The following MAP3K9 variants were observed in gnomAD, a reference collection of about 807,000 sequenced individuals.
MAP3K9 encodes the protein mixed lineage kinase 1 (tyr and ser/thr specificity).
Under a neutral mutation model 95.8 loss-of-function variants are expected in MAP3K9, and 46 were observed. That is an observed-to-expected ratio of 0.48 (90% confidence interval 0.38 to 0.61). The LOEUF is 0.61. Ranked by LOEUF, MAP3K9 falls within the 20% of genes least tolerant of loss-of-function variation. The probability of loss-of-function intolerance (pLI) is 0.00; values close to 1 mark genes in which losing one functional copy is unlikely to be tolerated. For missense variants in MAP3K9, 1,296 were observed against 1,474.3 expected, an observed-to-expected ratio of 0.88 and a Z score of 1.98; for synonymous variants, 533 against 593.8, an observed-to-expected ratio of 0.90 and a Z score of 1.49.
chr14:70,805,637 G>A (rs920530592), intron 1 of MAP3K9, among the ~76,000 whole-genome samples: 3 of 152,164 alleles, frequency 2.0e-5, no homozygotes, highest in Non-Finnish European at 4.4e-5. Context: ...TAAAGTTTGA[G>A]GCCAGATACA....
intron 2 of MAP3K9, among the ~76,000 whole-genome samples, chr14:70,763,625 G>A (rs553214086): frequency 1.3e-5 from 2 of 151,936 alleles, no homozygotes; most frequent in South Asian, 4.2e-4. Flanking sequence ...CAATCTCCTG[G>A]GCTCAAGTGA....
rs1566771064 is a variant in MAP3K9 at position 70,803,336 on chromosome 14, T to TC, written c.407-2257_407-2256insG. Among the ~76,000 whole-genome samples the TC allele has an allele frequency of 3.3e-3, 220 of 66,102 alleles. 1 individual carries two copies. The highest frequency in any genetic ancestry group is 0.011 in the African/African-American group (163 of 15,426). The allele number at this position is 66,102 out of a possible 152,430, so 43.4% of individuals were successfully genotyped here. A position where few individuals can be genotyped will look rare whatever the true frequency, so the allele number is the denominator to read the frequency against. ...GGAGGAAATAAACCAAATTCAGATC[T>TC]TAAAAAAAAAAAAAAAAAAAAAAAA... On this transcript the variant is annotated intron_variant, in intron 1 of 11. Coordinates refer to ENST00000554752, the MANE Select transcript of MAP3K9 (RefSeq NM_001284230.2).
intron 10 of MAP3K9, among the ~76,000 whole-genome samples, chr14:70,733,568 A>G (rs774548297): frequency 6.6e-6 from 1 of 152,200 alleles, no homozygotes; most frequent in Non-Finnish European, 1.5e-5. Flanking sequence ...ATTTCCTTAG[A>G]GCAGAATAAA....
At chr14:70,782,427 G>A (rs2054691926) in intron 2 of MAP3K9, among the ~76,000 whole-genome samples, 1 of 152,092 alleles carries the variant, frequency 6.6e-6, no homozygotes, top group South Asian at 2.1e-4. Context: ...GAGGAGAAAG[G>A]ATTTGAGGGC....
At chr14:70,745,900 A>AATGCC (rs1195716063) in intron 5 of MAP3K9, among the ~76,000 whole-genome samples, 2 of 152,170 alleles carry the variant, frequency 1.3e-5, no homozygotes, top group Non-Finnish European at 2.9e-5. Context: ...TTGTGAATGC[A>AATGCC]ATCCTTCTTT....
At chr14:70,747,302 T>A (rs1319830807) in intron 5 of MAP3K9, among the ~76,000 whole-genome samples, 1 of 152,178 alleles carries the variant, frequency 6.6e-6, no homozygotes, top group Non-Finnish European at 1.5e-5. Context: ...CTCGTAATAG[T>A]GAGTTAGTTC....
At chr14:70,806,084 A>G (rs61742448) in intron 1 of MAP3K9, among the ~76,000 whole-genome samples, 1,586 of 152,320 alleles carry the variant, frequency 0.01, 19 homozygotes, top group Non-Finnish European at 0.017. Context: ...TGCTCAGAGG[A>G]GAAGTTCAAA....
At position 70,732,782 on chromosome 14, in the gene MAP3K9, G is replaced by C. The variant is rs542006154; in HGVS notation, c.2587C>G (p.Pro863Ala). ...GGAGGGGCCTCGACTGGGCTGACTG[G>C]CATCTCATACACGACAATTTCATCG... ...DSDEIVVYEM[P>A]VSPVEAPPLS... Residue 863 changes from proline to alanine, a missense_variant, in exon 11 of 12, where the codon CCA becomes GCA. Pro to Ala is a conservative substitution (Grantham distance 27). This residue lies in a region of MAP3K9 where 433 missense variants were observed against 441.4 expected (regional missense o/e 0.98). Coordinates refer to ENST00000554752, the MANE Select transcript of MAP3K9 (RefSeq NM_001284230.2). 8.1e-6 allele frequency: 13 copies of C among 1,613,720 alleles called. No homozygotes were observed. The highest frequency in any genetic ancestry group is 1.1e-5 in the Non-Finnish European group (13 of 1,179,704).
intron 3 of MAP3K9, among the ~76,000 whole-genome samples, chr14:70,760,164 C>CACAA (rs1231206094): frequency 6.6e-6 from 1 of 151,650 alleles, no homozygotes; most frequent in African/African-American, 2.4e-5. Context: ...CACACACACA[C>CACAA]ACACACACAT....
intron 3 of MAP3K9, among the ~76,000 whole-genome samples, chr14:70,751,373 A>G (rs899136408): frequency 1.3e-5 from 2 of 152,222 alleles, no homozygotes; most frequent in African/African-American, 2.4e-5. Context: ...AAATTCAACA[A>G]TAAGTTTTGC....
intron 3 of MAP3K9, among the ~76,000 whole-genome samples, chr14:70,753,806 A>G (rs1187911583): frequency 6.6e-6 from 1 of 151,990 alleles, no homozygotes; most frequent in Non-Finnish European, 1.5e-5. Flanking sequence ...CCCTTCAACC[A>G]TTTCCTAGGA....
intron 2 of MAP3K9, among the ~76,000 whole-genome samples, chr14:70,770,095 T>G (rs1184364622): frequency 2.0e-5 from 3 of 152,164 alleles, no homozygotes; most frequent in African/African-American, 7.2e-5. Context: ...GAACAAGTCC[T>G]GGAAACACAG....
Position 70,809,205 on chromosome 14 carries a change from CCG to C in MAP3K9, c.-36_-35del. On this transcript the variant is annotated 5_prime_UTR_variant, in exon 1 of 12. Coordinates refer to ENST00000554752, the MANE Select transcript of MAP3K9 (RefSeq NM_001284230.2). The stretch of plus-strand genomic sequence containing the variant: ...CGATCCATAGGGTGCGGGGCCGCCG[CCG>C]CCCGCAGGAGCCGCCGCCGCCTATT... 7.8e-7 allele frequency: 1 copy of C among 1,286,022 alleles called. No individual in the cohort carries two copies. The highest frequency in any genetic ancestry group is 2.8e-5 in the South Asian group (1 of 35,956). The allele number at this position is 1,286,022 out of a possible 1,614,324, so 79.7% of individuals were successfully genotyped here.
At chr14:70,789,324 G>A (rs1336916698) in intron 2 of MAP3K9, among the ~76,000 whole-genome samples, 1 of 152,168 alleles carries the variant, frequency 6.6e-6, no homozygotes, top group Non-Finnish European at 1.5e-5. Flanking sequence ...TTAGGAGAGG[G>A]CTACTCAGGG....
Position 70,725,218 on chromosome 14 carries a change from T to A in MAP3K9, c.*5162A>T, listed in dbSNP as rs1463121121. The A allele has an allele frequency of 6.6e-6, 1 of 152,172 alleles. No homozygotes were observed. Among genetic ancestry groups the A allele is most frequent in the African/African-American group, 2.4e-5 (1 of 41,392 alleles). 9.4% of individuals were successfully genotyped at this position (152,172 alleles called of 1,614,324 possible). On this transcript the variant is annotated 3_prime_UTR_variant, in exon 12 of 12. Coordinates refer to ENST00000554752, the MANE Select transcript of MAP3K9 (RefSeq NM_001284230.2). ...ATCAGGAAGGACCAGTCCCACCGGC[T>A]CCTGATCATGGAGTGAGCCCAACAC... is the stretch of plus-strand genomic sequence containing the variant.
At chr14:70,759,665 G>A (rs1197419270) in intron 3 of MAP3K9, among the ~76,000 whole-genome samples, 1 of 152,150 alleles carries the variant, frequency 6.6e-6, no homozygotes, top group Non-Finnish European at 1.5e-5. Context: ...TAAGCCACTA[G>A]GTTTAGTAAT....
At chr14:70,767,383 C>CAAAAAA (rs67534847) in intron 2 of MAP3K9, among the ~76,000 whole-genome samples, 1 of 65,328 alleles carries the variant, frequency 1.5e-5, no homozygotes, top group East Asian at 4.5e-4. Context: ...CACTCAGTCT[C>CAAAAAA]AAAAAAAAAA....
In MAP3K9 at chr14:70,730,450, G is replaced by A. The variant is rs775309790; in HGVS notation, c.3245C>T (p.Pro1082Leu). 9.3e-6 allele frequency: 15 copies of A among 1,614,060 alleles called. No homozygotes were observed. The highest frequency in any genetic ancestry group is 6.6e-5 in the South Asian group (6 of 91,084). Residue 1082 changes from proline (P) to leucine (L), a missense_variant, in exon 12 of 12, where the codon CCG becomes CTG. This residue lies in a region of MAP3K9 where 433 missense variants were observed against 441.4 expected (regional missense o/e 0.98). Transcript: ENST00000554752. ...TGTGTTCAGTTCCGCTCTGCACAGCGGCACGGTGCTGTCCTGACTCTGCCC... is the reference window on the plus strand; with the variant it reads ...TGTGTTCAGTTCCGCTCTGCACAGCAGCACGGTGCTGTCCTGACTCTGCCC... ...AEGQSQDSTV[P>L]LCRAELNTHR...
Position 70,733,159 on chromosome 14 carries a change from T to A in MAP3K9, c.2210A>T (p.Asn737Ile). The A allele has an allele frequency of 5.6e-6, 9 of 1,612,270 alleles. No individual in the cohort carries two copies. Among genetic ancestry groups the A allele is most frequent in the Non-Finnish European group, 7.6e-6 (9 of 1,178,786 alleles). The change falls in exon 11 of 12, where the codon AAC becomes ATC. Residue 737 changes from asparagine to isoleucine, a missense_variant. Asn to Ile is a moderately radical substitution (Grantham distance 149). Transcript: ENST00000554752. ...ATSTPQLTPT[N>I]SLKRGGAHHR... ...GTGGGCACCGCCCCGCTTGAGGCTG[T>A]TGGTTGGCGTCAGCTGAGGGGTACT... is the stretch of plus-strand genomic sequence containing the variant.
Sources: allele counts gnomAD v4.1 joint callset (sites outside exome capture counted in the v4.1 genomes callset), GRCh38; gene constraint gnomAD v4.1.1; regional missense constraint gnomAD v4.1.1; transcripts MANE v1.5; gene names NCBI Gene and HGNC (gene_info 2026-07-23, HGNC 2026-07-21).